Variants in SPTBN5 observed in about 807,000 individuals in gnomAD.
SPTBN5 encodes the protein spectrin beta, non-erythrocytic 5, also known as spectrin beta chain, non-erythrocytic 5.
SPTBN5 carries 513 observed loss-of-function variants against 477.6 expected under a neutral mutation model. The ratio of observed to expected loss-of-function variants is 1.07; its 90% CI spans 1.00 to 1.16. The LOEUF (loss-of-function observed/expected upper bound fraction) is 1.16. Ranked by LOEUF, SPTBN5 falls within the 50% of genes most tolerant of loss-of-function variation. The pLI is 0.00. For missense variants in SPTBN5, 5,062 were observed against 4,731.8 expected, an observed-to-expected ratio of 1.07 and a Z score of -2.05; for synonymous variants, 2,169 against 2,011.7, an observed-to-expected ratio of 1.08 and a Z score of -2.09.
In SPTBN5 at chr15:41,861,143, C is replaced by T. The variant is rs1387551919; in HGVS notation, c.7815+276G>A. On this transcript the variant is annotated intron_variant, in intron 46 of 67. Transcript: ENST00000320955. ...AGCCAACCTCTAGGCATTTGGGAAG[C>T]GAGGAGGGCAGGGGTGAGGTGGCAA... Among the ~76,000 whole-genome samples, 8 of 152,298 alleles carry T rather than the reference C, an allele frequency of 5.3e-5. No individual in the cohort carries two copies. In the South Asian group the frequency reaches 6.2e-4, roughly 12 times the overall value.
chr15:41,861,237 G>A (rs919737015), intron 46 of SPTBN5, among the ~76,000 whole-genome samples, 182 bp downstream of exon 46: 1 of 152,234 alleles, frequency 6.6e-6, no homozygotes, highest in Non-Finnish European at 1.5e-5. Flanking sequence ...GCCCACAGCT[G>A]CATGGGAACT....
intron 7 of SPTBN5, 43 bp downstream of exon 7, chr15:41,885,692 A>G: frequency 1.3e-6 from 2 of 1,524,740 alleles, no homozygotes; most frequent in Non-Finnish European, 1.8e-6. Flanking sequence ...GTGGTAGGAC[A>G]GCCTCAGCCA....
At chr15:41,879,623 C>T (rs2066878404) in intron 15 of SPTBN5, 111 bp downstream of exon 15, 1 of 1,572,828 alleles carries the variant, frequency 6.4e-7, no homozygotes, top group Non-Finnish European at 8.6e-7. Flanking sequence ...TTCCCTGTGC[C>T]TCGGACACGT....
intron 3 of SPTBN5, among the ~76,000 whole-genome samples, chr15:41,890,473 T>C (rs1345013695): frequency 2.6e-5 from 4 of 152,214 alleles, no homozygotes; most frequent in Non-Finnish European, 5.9e-5. Flanking sequence ...GGACTCCCTG[T>C]GTGTGGGCTA....
Position 41,849,440 on chromosome 15 carries a change from G to T in SPTBN5, c.11012+429C>A, listed in dbSNP as rs1231011096. ...CGGGTTGGAACAAGGGTGGGGCAGG[G>T]TCTGGCCGTCCTGCCAATGTGCTGT... On this transcript the variant is annotated intron_variant, in intron 67 of 67. Coordinates refer to ENST00000320955, the MANE Select transcript of SPTBN5 (RefSeq NM_016642.4). Among the ~76,000 whole-genome samples, 8 of 152,344 alleles carry T rather than the reference G, an allele frequency of 5.3e-5. No individual in the cohort carries two copies. In the East Asian group the frequency reaches 1.5e-3, roughly 29 times the overall value.
intron 67 of SPTBN5, among the ~76,000 whole-genome samples, chr15:41,849,164 C>T (rs1175680606): frequency 6.6e-6 from 1 of 152,228 alleles, no homozygotes; most frequent in Non-Finnish European, 1.5e-5. Flanking sequence ...TTCACCTAAC[C>T]TCAGGTGTCC....
chr15:41,879,890 C>G (rs1290060456), intron 14 of SPTBN5, 26 bp from the exon 15 acceptor site: 10 of 1,612,992 alleles, frequency 6.2e-6, no homozygotes, highest in Non-Finnish European at 8.5e-6. Context: ...ACCCAGCCCT[C>G]TTGGGGGACT....
chr15:41,866,467 G>A lies in SPTBN5; in HGVS notation c.6507C>T (p.Ala2169=). 6.3e-7 allele frequency: 1 copy of A among 1,588,446 alleles called. No homozygotes were observed. The highest frequency in any genetic ancestry group is 8.6e-7 in the Non-Finnish European group (1 of 1,169,088). ...GAGGGACCGGCTCCTTCAGCTGCTG[G>A]GCCCACGCCTGGATCCAGTCCTCAG... ...TQAEDWIQAW[A]QQLKEPVPPG... The change falls in exon 37 of 68, where the codon GCC becomes GCT. Residue 2169 remains alanine, a synonymous_variant. Transcript: ENST00000320955.
At position 41,852,982 on chromosome 15, in the gene SPTBN5, C is replaced by T; in HGVS notation, c.10189G>A (p.Glu3397Lys). ...MSAEVTECLQ[E>K]LEGRLQELEE... ...AGCTCCTGCAGCCGCCCTTCCAGCTCCTGCAGGCACTCTGTCACCTGGTGG... is the reference window on the plus strand; with the variant it reads ...AGCTCCTGCAGCCGCCCTTCCAGCTTCTGCAGGCACTCTGTCACCTGGTGG... Residue 3397 changes from glutamate (E) to lysine (K), a missense_variant, in exon 60 of 68, where the codon GAG becomes AAG. Transcript: ENST00000320955. 6.5e-7 allele frequency: 1 copy of T among 1,547,834 alleles called. No homozygotes were observed. The highest frequency in any genetic ancestry group is 1.2e-5 in the South Asian group (1 of 83,536).
At chr15:41,892,347 TC>T (rs1445045514) in intron 3 of SPTBN5, among the ~76,000 whole-genome samples, 1 of 151,958 alleles carries the variant, frequency 6.6e-6, no homozygotes, top group Non-Finnish European at 1.5e-5. Context: ...GGTCCCTCTG[TC>T]CCTGGAGCTC....
chr15:41,852,599 A>G (rs1595440072), intron 61 of SPTBN5, 35 bp downstream of exon 61: 7 of 1,595,514 alleles, frequency 4.4e-6, no homozygotes, highest in Non-Finnish European at 5.2e-6. Context: ...CTGTTCCCCC[A>G]CCAGCCCTCA....
intron 55 of SPTBN5, 57 bp downstream of exon 55, chr15:41,855,167 G>T: frequency 1.3e-6 from 2 of 1,552,190 alleles, no homozygotes; most frequent in East Asian, 2.3e-5. Flanking sequence ...TCATCCCAGG[G>T]CAGGCCTTCC....
rs376439653 is a variant in SPTBN5 at position 41,851,091 on chromosome 15, G to T, written c.10803C>A (p.Gly3601=). ...AGAATGTGTGTTTCCTGCCGTGGCG[G>T]CCCCGCAGCCTCTCACACCGGGCTC... is the stretch of plus-strand genomic sequence containing the variant. ...LTGARCERLR[G]RHGRKHTFSL... is the part of the protein sequence containing the mutation. The change falls in exon 65 of 68, where the codon GGC becomes GGA. Residue 3601 remains glycine (G), a synonymous_variant. Coordinates refer to ENST00000320955, the MANE Select transcript of SPTBN5 (RefSeq NM_016642.4). 130 of 1,612,892 alleles carry T rather than the reference G, an allele frequency of 8.1e-5. 1 individual carries two copies. Among genetic ancestry groups the T allele is most frequent in the East Asian group, 2.2e-4 (10 of 44,896 alleles).
chr15:41,858,560 C>T, intron 49 of SPTBN5, 42 bp downstream of exon 49: 1 of 1,592,710 alleles, frequency 6.3e-7, no homozygotes, highest in East Asian at 2.2e-5. Flanking sequence ...TGTGTTCTGC[C>T]TGGAGAGCTG....
Position 41,854,163 on chromosome 15 carries a change from C to A in SPTBN5, c.9661G>T (p.Ala3221Ser), listed in dbSNP as rs1397898856. 1 of 1,599,134 alleles carries A rather than the reference C, an allele frequency of 6.3e-7. No homozygotes were observed. Among genetic ancestry groups the A allele is most frequent in the Non-Finnish European group, 8.5e-7 (1 of 1,173,278 alleles). The change falls in exon 57 of 68, where the codon GCA (alanine) becomes TCA (serine). Residue 3221 changes from alanine (A) to serine (S), a missense_variant. Transcript: ENST00000320955. ...AHEVHSFQQA[A>S]AELQGRMQEK... ...TGCATCCTTCCCTGGAGCTCAGCTG[C>A]TGCCTGCTGAAAGCTGTGGACCTCA...
At chr15:41,890,229 A>T (rs778606698) in intron 3 of SPTBN5, 24 bp from the exon 4 acceptor site, 1 of 1,527,690 alleles carries the variant, frequency 6.5e-7, no homozygotes, top group Non-Finnish European at 9.0e-7. Context: ...TGGATGGGCT[A>T]AGCCATGAAG....
At chr15:41,879,074 T>C (rs1174039685) in intron 16 of SPTBN5, among the ~76,000 whole-genome samples, 186 bp downstream of exon 16, 17 of 151,804 alleles carry the variant, frequency 1.1e-4, no homozygotes, top group Admixed American at 1.1e-3. Flanking sequence ...CAAAAAGAAA[T>C]AAAAAAACAT....
intron 4 of SPTBN5, among the ~76,000 whole-genome samples, chr15:41,888,618 G>A (rs1341531134): frequency 1.3e-5 from 2 of 152,216 alleles, no homozygotes; most frequent in African/African-American, 4.8e-5. Context: ...GCACCACTAT[G>A]CCCAGCTAAT....
chr15:41,879,494 C>T lies in SPTBN5; in HGVS notation c.2948G>A (p.Gly983Glu), dbSNP rs2066872892. ...RQQEELSQRW[G>E]QLEALKREKA... ...CTCCCTCTTCAGGGCCTCCAGCTGC[C>T]CCCACCTGGGCAGAGGGTACAAGGT... Residue 983 changes from glycine to glutamate, a missense_variant, in exon 16 of 68, where the codon GGG (glycine) becomes GAG (glutamate). Transcript: ENST00000320955. 7 of 1,563,630 alleles carry T rather than the reference C, an allele frequency of 4.5e-6. No homozygotes were observed. The highest frequency in any genetic ancestry group is 6.0e-6 in the Non-Finnish European group (7 of 1,157,536).
Sources: allele counts gnomAD v4.1 joint callset (sites outside exome capture counted in the v4.1 genomes callset), GRCh38; gene constraint gnomAD v4.1.1; transcripts MANE v1.5; gene names NCBI Gene and HGNC (gene_info 2026-07-23, HGNC 2026-07-21).